MYO3B: variants seen among roughly 807,000 people sequenced by gnomAD.
MYO3B encodes the protein myosin IIIB.
In MYO3B, 156 loss-of-function variants were observed where a neutral mutation model predicts 174.6. The ratio of observed to expected loss-of-function variants is 0.89; its 90% CI spans 0.78 to 1.02. The LOEUF is 1.02. Ranked by LOEUF, MYO3B falls within the 50% of genes least tolerant of loss-of-function variation. The pLI, the probability that MYO3B is intolerant of heterozygous loss-of-function variation, is 0.00. For missense variants in MYO3B, 1,632 were observed against 1,639.4 expected (o/e 1.00, Z 0.08); for synonymous variants, 563 against 569.1 (o/e 0.99, Z 0.15).
At chr2:170,556,617 ACTCAAGTG>A (rs1311178844) in intron 32 of MYO3B, among the ~76,000 whole-genome samples, 1 of 151,516 alleles carries the variant, frequency 6.6e-6, no homozygotes, top group African/African-American at 2.4e-5. Context: ...TGCCTCCCGG[ACTCAAGTG>A]ATTCTCCTGC....
chr2:170,346,413 A>T (rs1164403426), intron 8 of MYO3B: 1 of 152,170 alleles, frequency 6.6e-6, no homozygotes, highest in Non-Finnish European at 1.5e-5. Flanking sequence ...CCCCTATTGT[A>T]AAGCATCACT....
At chr2:170,394,977 GTTC>G (rs1182166374) in intron 16 of MYO3B, among the ~76,000 whole-genome samples, 1 of 152,164 alleles carries the variant, frequency 6.6e-6, no homozygotes, top group East Asian at 1.9e-4. Flanking sequence ...CAAAATTATG[GTTC>G]TTCTCCTTTC....
intron 32 of MYO3B, among the ~76,000 whole-genome samples, chr2:170,568,531 A>G (rs1432188248): frequency 2.0e-5 from 3 of 152,158 alleles, no homozygotes; most frequent in Admixed American, 6.6e-5. Context: ...CTTTGTTTGG[A>G]TCTTCTTTTG....
At chr2:170,600,133 GT>G (rs1178584496) in intron 32 of MYO3B, among the ~76,000 whole-genome samples, 1 of 132,670 alleles carries the variant, frequency 7.5e-6, no homozygotes, top group African/African-American at 3.7e-5. Flanking sequence ...TGTTGTTGTT[GT>G]TTTTTTTTAA....
intron 7 of MYO3B, among the ~76,000 whole-genome samples, chr2:170,312,629 C>T (rs1453758136): frequency 6.6e-6 from 1 of 152,238 alleles, no homozygotes; most frequent in Non-Finnish European, 1.5e-5. Flanking sequence ...GCGTGGAAGG[C>T]TGGTGGGAAG....
chr2:170,310,297 C>A (rs1271543252), intron 7 of MYO3B, among the ~76,000 whole-genome samples: 1 of 152,122 alleles, frequency 6.6e-6, no homozygotes, highest in Non-Finnish European at 1.5e-5. Context: ...AGAATCTGTG[C>A]TCAAGGTGAC....
intron 7 of MYO3B, among the ~76,000 whole-genome samples, chr2:170,242,954 A>G (rs934704610): frequency 2.6e-5 from 4 of 152,204 alleles, no homozygotes; most frequent in South Asian, 2.1e-4. Context: ...ATGGGTTGGC[A>G]TAATGGTAGG....
chr2:170,394,848 A>G (rs1051866864), intron 16 of MYO3B, among the ~76,000 whole-genome samples: 1 of 152,238 alleles, frequency 6.6e-6, no homozygotes, highest in Non-Finnish European at 1.5e-5. Context: ...CTAAATTCAG[A>G]AAGATCCAGT....
At chr2:170,489,736 A>G (rs7595003) in intron 25 of MYO3B, among the ~76,000 whole-genome samples, 31,890 of 151,250 alleles carry the variant, frequency 0.21, 4,535 homozygotes, top group African/African-American at 0.4. Flanking sequence ...CTAGAGACAG[A>G]ATCCCTTTCT....
intron 22 of MYO3B, among the ~76,000 whole-genome samples, chr2:170,409,036 G>A (rs10198935): frequency 0.17 from 25,878 of 152,054 alleles, 2,571 homozygotes; most frequent in African/African-American, 0.27. Context: ...GGCGACTTCA[G>A]CACAGAGGTG....
intron 6 of MYO3B, among the ~76,000 whole-genome samples, chr2:170,232,301 T>C (rs958119816): frequency 1.3e-5 from 2 of 152,230 alleles, no homozygotes; most frequent in African/African-American, 4.8e-5. Flanking sequence ...GGTATTGGAT[T>C]GATAGGGAAT....
At chr2:170,650,946 C>T (rs1008679075) in intron 32 of MYO3B, among the ~76,000 whole-genome samples, 5 of 123,358 alleles carry the variant, frequency 4.1e-5, no homozygotes, top group Non-Finnish European at 5.4e-5. Context: ...CCTCCCACTG[C>T]GCCCAGCCAT....
At chr2:170,450,131 T>C (rs1294695046) in intron 23 of MYO3B, among the ~76,000 whole-genome samples, 1 of 152,210 alleles carries the variant, frequency 6.6e-6, no homozygotes, top group Non-Finnish European at 1.5e-5. Flanking sequence ...CATTAAATTA[T>C]ATCAGAATTA....
At chr2:170,596,153 A>T (rs1694132836) in intron 32 of MYO3B, among the ~76,000 whole-genome samples, 1 of 152,254 alleles carries the variant, frequency 6.6e-6, no homozygotes, top group Non-Finnish European at 1.5e-5. Flanking sequence ...TGATACAGTC[A>T]ATGTTACCAC....
chr2:170,250,712 C>G (rs2093242639), intron 7 of MYO3B, among the ~76,000 whole-genome samples: 1 of 152,124 alleles, frequency 6.6e-6, no homozygotes, highest in Non-Finnish European at 1.5e-5. Context: ...GGGTCACACA[C>G]AGACTTGAAA....
chr2:170,352,557 G>C (rs1406386971), intron 8 of MYO3B, among the ~76,000 whole-genome samples: 1 of 152,182 alleles, frequency 6.6e-6, no homozygotes, highest in Non-Finnish European at 1.5e-5. Flanking sequence ...TACATAAGCA[G>C]TGGTGTACTG....
chr2:170,454,945 G>C (rs769172018), intron 23 of MYO3B, among the ~76,000 whole-genome samples: 1 of 152,180 alleles, frequency 6.6e-6, no homozygotes, highest in Admixed American at 6.5e-5. Context: ...CTCTTGCACT[G>C]AGTCAATTCC....
chr2:170,304,468 C>CTTTTTTT (rs34449441), intron 7 of MYO3B, among the ~76,000 whole-genome samples: 3 of 131,824 alleles, frequency 2.3e-5, no homozygotes, highest in African/African-American at 2.8e-5. Flanking sequence ...TTTTCTTTTT[C>CTTTTTTT]TTTTTTTTTT....
At chr2:170,258,663 C>T (rs898262650) in intron 7 of MYO3B, among the ~76,000 whole-genome samples, 2 of 152,104 alleles carry the variant, frequency 1.3e-5, no homozygotes, top group African/African-American at 4.8e-5. Flanking sequence ...CAATGATGCC[C>T]ACGTTCACTA....
Sources: allele counts gnomAD v4.1 joint callset (sites outside exome capture counted in the v4.1 genomes callset), GRCh38; gene constraint gnomAD v4.1.1; transcripts MANE v1.5; gene names NCBI Gene and HGNC (gene_info 2026-07-23, HGNC 2026-07-21).